Variants in VTI1A observed in about 807,000 individuals in gnomAD.
The protein encoded by VTI1A is vesicle transport through interaction with t-SNAREs homolog 1A.
A neutral mutation model predicts 34.9 loss-of-function variants in VTI1A; 22 were observed. The ratio of observed to expected loss-of-function variants is 0.63; its 90% CI spans 0.45 to 0.90. The LOEUF (loss-of-function observed/expected upper bound fraction) is 0.90. Ranked by LOEUF, VTI1A falls within the 40% of genes least tolerant of loss-of-function variation. The pLI, the probability that VTI1A is intolerant of heterozygous loss-of-function variation, is 0.00. For synonymous variants in VTI1A, 87 were observed against 97.3 expected (o/e 0.89, Z 0.62); for missense variants, 268 against 275.6 (o/e 0.97, Z 0.20).
chr10:112,508,671 T>C (rs1444244710), intron 3 of VTI1A, among the ~76,000 whole-genome samples: 2 of 152,194 alleles, frequency 1.3e-5, no homozygotes, highest in African/African-American at 4.8e-5. Flanking sequence ...AGGTAATAAA[T>C]AGCAAAACTG....
chr10:112,578,392 A>G (rs1333519757), intron 5 of VTI1A, among the ~76,000 whole-genome samples: 1 of 152,148 alleles, frequency 6.6e-6, no homozygotes, highest in Non-Finnish European at 1.5e-5. Context: ...TAAAAGGTAT[A>G]TATTGATTGA....
At chr10:112,487,222 C>T (rs920691404) in intron 3 of VTI1A, among the ~76,000 whole-genome samples, 1 of 152,134 alleles carries the variant, frequency 6.6e-6, no homozygotes, top group Non-Finnish European at 1.5e-5. Context: ...CTCCCCGGTT[C>T]GAGTGATTCT....
chr10:112,838,666 G>T, the VTI1A span, among the ~76,000 whole-genome samples: 4 of 152,164 alleles, frequency 2.6e-5, no homozygotes, highest in South Asian at 8.3e-4. Context: ...GCAAGAACGG[G>T]GGCACAGAAG....
chr10:112,695,198 T>C (rs1292848638), intron 7 of VTI1A, among the ~76,000 whole-genome samples: 1 of 152,178 alleles, frequency 6.6e-6, no homozygotes, highest in Non-Finnish European at 1.5e-5. Context: ...GCATAGTATA[T>C]ACTGTTTTTA....
At chr10:112,496,185 A>ATCC (rs1849010976) in intron 3 of VTI1A, among the ~76,000 whole-genome samples, 1 of 27,840 alleles carries the variant, frequency 3.6e-5, no homozygotes, top group Non-Finnish European at 6.6e-5. Flanking sequence ...AAATGGGGAG[A>ATCC]CCCCCCCCCC....
intron 3 of VTI1A, among the ~76,000 whole-genome samples, chr10:112,523,620 G>A (rs988352758): frequency 3.9e-5 from 6 of 151,914 alleles, no homozygotes; most frequent in African/African-American, 1.4e-4. Context: ...GTCAGCTGAA[G>A]CTTTTCTACT....
At chr10:112,480,353 A>G (rs1228066159) in intron 3 of VTI1A, among the ~76,000 whole-genome samples, 1 of 152,198 alleles carries the variant, frequency 6.6e-6, no homozygotes, top group East Asian at 1.9e-4. Context: ...TTTGATATAG[A>G]TTACTATAAA....
chr10:112,483,956 T>C (rs1258404408), intron 3 of VTI1A, among the ~76,000 whole-genome samples: 1 of 152,230 alleles, frequency 6.6e-6, no homozygotes. Flanking sequence ...AAATCAAGTC[T>C]GTCAGACTTT....
At chr10:112,748,385 A>G (rs1164102240) in intron 7 of VTI1A, among the ~76,000 whole-genome samples, 5 of 152,026 alleles carry the variant, frequency 3.3e-5, no homozygotes, top group East Asian at 1.9e-4. Context: ...AATTAACTCT[A>G]TTTTATTCGT....
chr10:112,828,468 C>T, the VTI1A span, among the ~76,000 whole-genome samples: 4 of 152,064 alleles, frequency 2.6e-5, no homozygotes, highest in Admixed American at 1.3e-4. Flanking sequence ...TGCAGAGGCG[C>T]GATCTCAGCT....
intron 7 of VTI1A, among the ~76,000 whole-genome samples, chr10:112,724,122 T>G (rs1340694310): frequency 6.6e-6 from 1 of 152,166 alleles, no homozygotes; most frequent in African/African-American, 2.4e-5. Flanking sequence ...TTGCTAGTTG[T>G]GGTCATTTAA....
rs148968575 is a variant in VTI1A, at chr10:112,479,939, C to T, written c.264+15282C>T. Among the ~76,000 whole-genome samples the T allele has an allele frequency of 1.8e-3, 276 of 152,020 alleles. 3 individuals carry two copies. The highest frequency in any genetic ancestry group is 3.3e-3 in the Non-Finnish European group (225 of 68,024). On this transcript the variant is annotated intron_variant, in intron 3 of 7. Coordinates refer to ENST00000393077, the MANE Select transcript of VTI1A (RefSeq NM_145206.4). ...TTGTCAGTTTATTTCAGTGGGATGA[C>T]TCAATTATTGAATCTTCAGAGCATA... is the stretch of plus-strand genomic sequence containing the variant.
rs1171213367 is a variant in VTI1A at position 112,816,848 on chromosome 10, G to C, written c.*1465G>C. 1 of 230,022 alleles carries C rather than the reference G, an allele frequency of 4.3e-6. No homozygotes were observed. Among genetic ancestry groups the C allele is most frequent in the African/African-American group, 2.2e-5 (1 of 45,148 alleles). 14.2% of individuals were successfully genotyped at this position (230,022 alleles called of 1,614,324 possible). On this transcript the variant is annotated 3_prime_UTR_variant, in exon 8 of 8. Coordinates refer to ENST00000393077, the MANE Select transcript of VTI1A (RefSeq NM_145206.4). The stretch of plus-strand genomic sequence containing the variant: ...CTCAGAAGAAAACCATTATGGTTTA[G>C]AGAGGAAATGCAGAATGGCAGAATC...
At chr10:112,513,967 A>G (rs954928164) in intron 3 of VTI1A, among the ~76,000 whole-genome samples, 1 of 151,552 alleles carries the variant, frequency 6.6e-6, no homozygotes, top group African/African-American at 2.4e-5. Context: ...TGATGTATAT[A>G]TTTTTTCCCT....
chr10:112,541,809 C>A (rs1162315575), intron 5 of VTI1A, among the ~76,000 whole-genome samples: 1 of 152,110 alleles, frequency 6.6e-6, no homozygotes, highest in African/African-American at 2.4e-5. Context: ...CTGTTCACAC[C>A]CTGATATGCA....
intron 3 of VTI1A, among the ~76,000 whole-genome samples, chr10:112,470,356 G>A (rs903556788): frequency 3.9e-5 from 6 of 152,156 alleles, no homozygotes; most frequent in Admixed American, 6.5e-5. Context: ...TATTGTGTGC[G>A]TAAGTACAGG....
At chr10:112,722,101 T>C (rs1849829007) in intron 7 of VTI1A, among the ~76,000 whole-genome samples, 1 of 152,232 alleles carries the variant, frequency 6.6e-6, no homozygotes. Flanking sequence ...TATCCTGCAA[T>C]GTTAAGGGTA....
intron 7 of VTI1A, among the ~76,000 whole-genome samples, chr10:112,742,350 T>C (rs1850722285): frequency 6.6e-6 from 1 of 152,258 alleles, no homozygotes; most frequent in Non-Finnish European, 1.5e-5. Context: ...ATGTGTTAAG[T>C]AAACAGCTTG....
rs145499918 is a variant in VTI1A at position 112,796,942 on chromosome 10, T to A, written c.561-18348T>A. ...GGAAAATTATCTCATGAACTGGTTT[T>A]TATAGGAAGACTCAAAGCATAGCAC... On this transcript the variant is annotated intron_variant, in intron 7 of 7. Coordinates refer to ENST00000393077, the MANE Select transcript of VTI1A (RefSeq NM_145206.4). Among the ~76,000 whole-genome samples the A allele has an allele frequency of 7.9e-5, 12 of 152,302 alleles. No homozygotes were observed. The East Asian group carries it at 2.3e-3, about 29-fold the overall frequency.
Sources: gnomAD v4.1 joint callset for allele counts (sites outside exome capture counted in the v4.1 genomes callset) on GRCh38, gnomAD v4.1.1 for gene constraint, MANE v1.5 for transcripts, NCBI Gene and HGNC (gene_info 2026-07-23, HGNC 2026-07-21) for gene names.